Variants in CAMTA1 observed in about 807,000 individuals in gnomAD.
The protein encoded by CAMTA1 is calmodulin-binding transcription activator 1.
In CAMTA1, 27 loss-of-function variants were observed where a neutral mutation model predicts 170.9. That is an observed-to-expected ratio of 0.16 (90% CI 0.12 to 0.22). CAMTA1 has a LOEUF of 0.22. CAMTA1 is among the 10% of genes least tolerant of loss of function. CAMTA1 has a pLI of 1.00. For missense variants in CAMTA1, 1,619 were observed against 2,217.2 expected, an observed-to-expected ratio of 0.73 and a Z score of 5.42; for synonymous variants, 833 against 891.5, an observed-to-expected ratio of 0.93 and a Z score of 1.17.
At chr1:7,207,379 T>C (rs1431851287) in intron 4 of CAMTA1, among the ~76,000 whole-genome samples, 1 of 152,222 alleles carries the variant, frequency 6.6e-6, no homozygotes, top group Non-Finnish European at 1.5e-5. Context: ...AAAATGAATG[T>C]GGAAAGAAAA....
intron 3 of CAMTA1, among the ~76,000 whole-genome samples, chr1:7,082,419 C>T (rs945896984): frequency 1.1e-4 from 16 of 150,814 alleles, no homozygotes; most frequent in African/African-American, 2.4e-4. Context: ...GCCCAGGTGA[C>T]GGAGCAAGAC....
At chr1:7,231,711 A>G (rs917019662) in intron 4 of CAMTA1, among the ~76,000 whole-genome samples, 4 of 152,166 alleles carry the variant, frequency 2.6e-5, no homozygotes, top group Non-Finnish European at 5.9e-5. Context: ...CTCCGATGAG[A>G]TGGAGATGAC....
At chr1:6,809,034 T>TC (rs1374038444) in intron 1 of CAMTA1, among the ~76,000 whole-genome samples, 1 of 150,806 alleles carries the variant, frequency 6.6e-6, no homozygotes, top group Admixed American at 6.6e-5. Flanking sequence ...TTTTTCTTTT[T>TC]TTTTTTTTTG....
intron 6 of CAMTA1, among the ~76,000 whole-genome samples, chr1:7,481,611 T>C (rs2093535481): frequency 6.6e-6 from 1 of 152,200 alleles, no homozygotes; most frequent in Non-Finnish European, 1.5e-5. Flanking sequence ...TTGAGAGAAT[T>C]GTACACACAC....
At chr1:7,343,102 G>A (rs571824825) in intron 5 of CAMTA1, among the ~76,000 whole-genome samples, 9 of 152,284 alleles carry the variant, frequency 5.9e-5, no homozygotes, top group African/African-American at 1.9e-4. Context: ...TTCAAAGATC[G>A]CCCAGTCTAG....
chr1:7,480,173 TTGTG>T (rs1054050417), intron 6 of CAMTA1, among the ~76,000 whole-genome samples: 2 of 127,854 alleles, frequency 1.6e-5, no homozygotes, highest in African/African-American at 3.1e-5. Flanking sequence ...GTGTGTGTGC[TTGTG>T]TCTCAGTGCA....
At chr1:7,047,061 G>T (rs1705498733) in intron 3 of CAMTA1, among the ~76,000 whole-genome samples, 1 of 152,146 alleles carries the variant, frequency 6.6e-6, no homozygotes, top group African/African-American at 2.4e-5. Flanking sequence ...GACATGTGTG[G>T]TTTGCTATGT....
intron 11 of CAMTA1, among the ~76,000 whole-genome samples, chr1:7,726,750 C>G (rs990365064): frequency 6.6e-6 from 1 of 152,172 alleles, no homozygotes; most frequent in African/African-American, 2.4e-5. Context: ...ACTTGTTCTT[C>G]CGGTGCGACG....
chr1:6,888,968 CTTAT>C (rs1187970544), intron 3 of CAMTA1, among the ~76,000 whole-genome samples: 1 of 152,050 alleles, frequency 6.6e-6, no homozygotes, highest in Non-Finnish European at 1.5e-5. Context: ...TTAGGTATAG[CTTAT>C]TTGTCAGATT....
intron 6 of CAMTA1, among the ~76,000 whole-genome samples, chr1:7,602,868 T>C (rs1476979661): frequency 2.0e-5 from 3 of 152,236 alleles, no homozygotes; most frequent in East Asian, 3.8e-4. Flanking sequence ...TTTGTTCTCA[T>C]TGGTTTCAAA....
rs201712846 is a variant in CAMTA1, at chr1:7,732,608, C to T, written c.3066+9C>T. 3.6e-5 allele frequency: 57 copies of T among 1,585,944 alleles called. No individual in the cohort carries two copies. In the Admixed American group the frequency reaches 4.3e-4, roughly 12 times the overall value. On this transcript the variant is annotated intron_variant, in intron 12 of 22. Transcript: ENST00000303635. This position sits in a 1 kb window ranked among gnomAD's most constrained non-coding sequence, Gnocchi z 4.1. ...GAGGGAGCCAGGCACAGGTACGAGG[C>T]GGTGCTGATGCTCAGCTCCCATTTC...
intron 1 of CAMTA1, among the ~76,000 whole-genome samples, chr1:6,788,231 T>A (rs764382365): frequency 7.7e-5 from 10 of 129,820 alleles, no homozygotes; most frequent in Non-Finnish European, 1.6e-4. Flanking sequence ...CCGCTGTCAC[T>A]CAGCAGGGAA....
At chr1:6,957,424 G>A (rs1689642075) in intron 3 of CAMTA1, among the ~76,000 whole-genome samples, 1 of 152,120 alleles carries the variant, frequency 6.6e-6, no homozygotes, top group Non-Finnish European at 1.5e-5. Context: ...CATGGGTCTC[G>A]GTGTTTTAAA....
chr1:6,926,570 C>T (rs1294770738), intron 3 of CAMTA1, among the ~76,000 whole-genome samples: 2 of 135,180 alleles, frequency 1.5e-5, no homozygotes, highest in African/African-American at 5.6e-5. Context: ...CTTTCTCTCT[C>T]TCTCCTTCTC....
At chr1:7,645,036 G>A (rs926650654) in intron 7 of CAMTA1, among the ~76,000 whole-genome samples, 2 of 152,220 alleles carry the variant, frequency 1.3e-5, no homozygotes, top group African/African-American at 4.8e-5. Flanking sequence ...AAATTCCAGG[G>A]TCTGTTCCAA....
chr1:6,796,335 G>T (rs1478158227), intron 1 of CAMTA1, among the ~76,000 whole-genome samples: 1 of 151,642 alleles, frequency 6.6e-6, no homozygotes, highest in East Asian at 1.9e-4. Context: ...ATGGAGTTTC[G>T]CCGTGTTGCC....
chr1:6,830,381 T>C (rs1223456037), intron 3 of CAMTA1, among the ~76,000 whole-genome samples: 4 of 150,274 alleles, frequency 2.7e-5, no homozygotes, highest in East Asian at 2.0e-4. Flanking sequence ...TCTCACTCTG[T>C]TACCCAGGCT....
At chr1:6,817,557 A>G (rs1645975843) in intron 1 of CAMTA1, among the ~76,000 whole-genome samples, 2 of 152,234 alleles carry the variant, frequency 1.3e-5, no homozygotes, top group African/African-American at 2.4e-5. Context: ...TCCAAAGGAT[A>G]CATGAATTCC....
chr1:7,191,405 C>T (rs1191926290), intron 4 of CAMTA1, among the ~76,000 whole-genome samples: 2 of 152,170 alleles, frequency 1.3e-5, no homozygotes, highest in Non-Finnish European at 2.9e-5. Flanking sequence ...TGGTATGCCA[C>T]CTTGCACCAT....
Sources: gnomAD v4.1 joint callset for allele counts (sites outside exome capture counted in the v4.1 genomes callset) on GRCh38, gnomAD v4.1.1 for gene constraint, Gnocchi (gnomAD v3.1) non-coding constraint, MANE v1.5 for transcripts, NCBI Gene and HGNC (gene_info 2026-07-23, HGNC 2026-07-21) for gene names.